The following LIMS2 variants were observed in gnomAD, a reference collection of about 807,000 sequenced individuals.
The protein encoded by LIMS2 is LIM zinc finger domain containing 2.
A neutral mutation model predicts 45.3 loss-of-function variants in LIMS2; 30 were observed. The observed-to-expected ratio is 0.66, with a 90% CI of 0.50 to 0.90. LIMS2 has a LOEUF of 0.90. Ranked by LOEUF, LIMS2 falls within the 40% of genes least tolerant of loss-of-function variation. The probability of loss-of-function intolerance (pLI) is 0.00; values close to 1 mark genes in which losing one functional copy is unlikely to be tolerated. For synonymous variants in LIMS2, 173 were observed against 188.0 expected (o/e 0.92, Z 0.65); for missense variants, 485 against 468.7 (o/e 1.03, Z -0.32).
rs761204957 is a variant in LIMS2, at chr2:127,639,263, A to G, written c.*18T>C. The G allele has an allele frequency of 2.5e-6, 4 of 1,611,676 alleles. No homozygotes were observed. Among genetic ancestry groups the G allele is most frequent in the Non-Finnish European group, 3.4e-6 (4 of 1,178,660 alleles). On this transcript the variant is annotated 3_prime_UTR_variant, in exon 10 of 10. Coordinates refer to ENST00000355119, the MANE Select transcript of LIMS2 (RefSeq NM_001161403.3). ...GGAGAAGGCGGAGGGGCCGAGAGGC[A>G]GCTGCGCAAGAGGGCCTTCAGGCAG...
At chr2:127,668,689 AAAAAAAAAAAAAAAAAAAAAAAC>A (rs1685137527) in intron 1 of LIMS2, among the ~76,000 whole-genome samples, 3 of 132,622 alleles carry the variant, frequency 2.3e-5, no homozygotes, top group African/African-American at 9.5e-5. Context: ...AAAAAAAAAA[AAAAAAAAAAAAAAAAAAAAAAAC>A]ACCTTACTTA....
At position 127,651,346 on chromosome 2, in the gene LIMS2, C is replaced by T. The variant is rs375357809; in HGVS notation, c.359+3078G>A. The T allele has an allele frequency of 9.9e-6, 16 of 1,611,758 alleles. No homozygotes were observed. The highest frequency in any genetic ancestry group is 8.0e-5 in the African/African-American group (6 of 74,946). On this transcript the variant is annotated intron_variant, in intron 4 of 9. Coordinates refer to ENST00000355119, the MANE Select transcript of LIMS2 (RefSeq NM_001161403.3). ...TCCCTGGCAGTGGCCTTCACCTTCC[C>T]GTTCATCACCACGGTCACCTGCTAC...
Position 127,647,001 on chromosome 2 carries a change from G to A in LIMS2, c.360-3929C>T, listed in dbSNP as rs886097659. ...GAGTCTCAGTCCCAGAGAGAGCGAG[G>A]GGCACGCCCTTCGGCCCGGGCAGGA... On this transcript the variant is annotated intron_variant, in intron 4 of 9. Transcript: ENST00000355119. The surrounding 1 kb of genome is among the most constrained non-coding windows in gnomAD (Gnocchi z 4.3). Among the ~76,000 whole-genome samples the A allele has an allele frequency of 1.3e-5, 2 of 152,154 alleles. No individual in the cohort carries two copies. Among genetic ancestry groups the A allele is most frequent in the South Asian group, 4.1e-4 (2 of 4,832 alleles).
chr2:127,640,262 G>A lies in LIMS2; in HGVS notation c.802+8C>T, dbSNP rs772812578. The A allele has an allele frequency of 1.4e-5, 23 of 1,613,282 alleles. No homozygotes were observed. Among genetic ancestry groups the A allele is most frequent in the Non-Finnish European group, 1.8e-5 (21 of 1,179,954 alleles). On this transcript the variant is annotated splice_region_variant and intron_variant, in intron 8 of 9. Coordinates refer to ENST00000355119, the MANE Select transcript of LIMS2 (RefSeq NM_001161403.3). The stretch of plus-strand genomic sequence containing the variant: ...AGGTGGGGTGGGGGAGGGAACACAG[G>A]GCCTCACCATCGCCTTCAATCACAT...
chr2:127,679,607 AC>A (rs112792486), upstream of LIMS2, among the ~76,000 whole-genome samples: 3,903 of 151,606 alleles, frequency 0.026, 167 homozygotes, highest in African/African-American at 0.089. This position sits in a 1 kb window ranked among gnomAD's most constrained non-coding sequence, Gnocchi z 5.3. Context: ...GAGTTTCTCC[AC>A]CCCCCACCTT....
upstream of LIMS2, among the ~76,000 whole-genome samples, chr2:127,678,451 C>G (rs1416415900): frequency 6.6e-6 from 1 of 152,156 alleles, no homozygotes; most frequent in African/African-American, 2.4e-5. The surrounding 1 kb of genome is among the most constrained non-coding windows in gnomAD (Gnocchi z 5.3). Flanking sequence ...GTGTCCCTAG[C>G]TGCTGTGTGG....
intron 4 of LIMS2, chr2:127,650,515 G>GC (rs1366943696): frequency 8.6e-6 from 5 of 581,346 alleles, no homozygotes; most frequent in Non-Finnish European, 1.5e-5. Flanking sequence ...TTCTGCGTTT[G>GC]CCTTGTGCTG....
At chr2:127,673,621 A>G in intron 1 of LIMS2, 1 of 1,523,294 alleles carries the variant, frequency 6.6e-7, no homozygotes, top group Non-Finnish European at 8.9e-7. Context: ...CGCACCCTTC[A>G]CGGCTCTGTT....
In LIMS2 at chr2:127,642,212, G is replaced by C. The variant is rs368236220; in HGVS notation, c.510-13C>G. 6.5e-7 allele frequency: 1 copy of C among 1,529,714 alleles called. No individual in the cohort carries two copies. Among genetic ancestry groups the C allele is most frequent in the African/African-American group, 1.4e-5 (1 of 72,940 alleles). The allele number at this position is 1,529,714 out of a possible 1,614,324, so 94.8% of individuals were successfully genotyped here. ...TGTCAGCTCCTTCCTGGAAGACAGCGTGCAGCCCCCAGGTGCCACCCCTGC... is the reference window on the plus strand; with the variant it reads ...TGTCAGCTCCTTCCTGGAAGACAGCCTGCAGCCCCCAGGTGCCACCCCTGC... On this transcript the variant is annotated splice_polypyrimidine_tract_variant and intron_variant, in intron 5 of 9. Coordinates refer to ENST00000355119, the MANE Select transcript of LIMS2 (RefSeq NM_001161403.3). The surrounding 1 kb of genome is among the most constrained non-coding windows in gnomAD (Gnocchi z 5.3).
At chr2:127,656,606 G>C (rs183789310) in intron 2 of LIMS2, among the ~76,000 whole-genome samples, 2 of 152,104 alleles carry the variant, frequency 1.3e-5, no homozygotes, top group African/African-American at 2.4e-5. Context: ...GTACAGACAG[G>C]GTTTCACCAT....
chr2:127,650,895 T>A, intron 4 of LIMS2: 1 of 1,614,082 alleles, frequency 6.2e-7, no homozygotes, highest in Non-Finnish European at 8.5e-7. Context: ...CCTGGCTCTG[T>A]GGCTTTTCAT....
Position 127,672,076 on chromosome 2 carries a change from T to G in LIMS2, c.11+2938A>C, listed in dbSNP as rs930530155. ...CAATCAGGCATACGACAGCCTCACA[T>G]GTGACACACATGACGGTCACACCAT... On this transcript the variant is annotated intron_variant, in intron 1 of 9. Coordinates refer to ENST00000355119, the MANE Select transcript of LIMS2 (RefSeq NM_001161403.3). This position sits in a 1 kb window ranked among gnomAD's most constrained non-coding sequence, Gnocchi z 4.9. Among the ~76,000 whole-genome samples the G allele has an allele frequency of 1.3e-5, 2 of 152,180 alleles. No individual in the cohort carries two copies. The highest frequency in any genetic ancestry group is 2.4e-5 in the African/African-American group (1 of 41,454).
In LIMS2 at chr2:127,639,443, G is replaced by C; in HGVS notation, c.879-15C>G. On this transcript the variant is annotated splice_polypyrimidine_tract_variant and intron_variant, in intron 9 of 9. Coordinates refer to ENST00000355119, the MANE Select transcript of LIMS2 (RefSeq NM_001161403.3). The stretch of plus-strand genomic sequence containing the variant: ...CAAACTTGTTCCTGAGGAGGAAGCT[G>C]AGCTGTCAGCAGAGCCCCACGCCCA... 1 of 1,613,126 alleles carries C rather than the reference G, an allele frequency of 6.2e-7. No homozygotes were observed. The highest frequency in any genetic ancestry group is 8.5e-7 in the Non-Finnish European group (1 of 1,179,588).
chr2:127,673,824 G>GC, intron 1 of LIMS2: 2 of 1,294,282 alleles, frequency 1.5e-6, no homozygotes, highest in Non-Finnish European at 2.2e-6. Flanking sequence ...TAGAACCCTA[G>GC]GGGGTGACCA....
chr2:127,644,008 T>C (rs1682692120), intron 4 of LIMS2: 1 of 455,492 alleles, frequency 2.2e-6, no homozygotes, highest in Non-Finnish European at 4.4e-6. Flanking sequence ...ACCCAGGTTA[T>C]GGTGGGCAGA....
chr2:127,661,222 G>A (rs1684631886), intron 1 of LIMS2, among the ~76,000 whole-genome samples: 2 of 152,244 alleles, frequency 1.3e-5, no homozygotes, highest in South Asian at 4.1e-4. Context: ...CTGGGACCTG[G>A]AGAGAGATGC....
intron 4 of LIMS2, chr2:127,648,183 T>G: frequency 1.0e-6 from 1 of 985,376 alleles, no homozygotes; most frequent in Non-Finnish European, 1.2e-6. Flanking sequence ...AACTCCACAT[T>G]GGACTAAGAA....
chr2:127,640,237 A>T (rs1682272034), intron 8 of LIMS2, 33 bp downstream of exon 8: 1 of 1,612,430 alleles, frequency 6.2e-7, no homozygotes, highest in Non-Finnish European at 8.5e-7. Context: ...CCAGGAGAGC[A>T]GGTGGGGTGG....
At chr2:127,644,366 C>A (rs146209003) in intron 4 of LIMS2, among the ~76,000 whole-genome samples, 1 of 152,340 alleles carries the variant, frequency 6.6e-6, no homozygotes, top group African/African-American at 2.4e-5. Flanking sequence ...GGCTCTTACA[C>A]CCCAGCGACG....
Sources: allele counts gnomAD v4.1 joint callset (sites outside exome capture counted in the v4.1 genomes callset), GRCh38; gene constraint gnomAD v4.1.1; non-coding constraint Gnocchi (gnomAD v3.1); transcripts MANE v1.5; gene names NCBI Gene and HGNC (gene_info 2026-07-23, HGNC 2026-07-21).